The following DGKG variants were observed in gnomAD, a reference collection of about 807,000 sequenced individuals.
DGKG encodes the protein DAG kinase gamma.
DGKG carries 78 observed loss-of-function variants against 105.3 expected under a neutral mutation model. The observed-to-expected ratio is 0.74, with a 90% CI of 0.62 to 0.89. The LOEUF is 0.89. Among genes scored for constraint, DGKG ranks in the 40% least tolerant of loss-of-function variants. The pLI, the probability that DGKG is intolerant of heterozygous loss-of-function variation, is 0.00. For synonymous variants in DGKG, 346 were observed against 367.1 expected (o/e 0.94, Z 0.66); for missense variants, 958 against 1,020.1 (o/e 0.94, Z 0.83).
intron 16 of DGKG, among the ~76,000 whole-genome samples, chr3:186,259,812 C>T (rs1010697634): frequency 1.3e-5 from 2 of 152,172 alleles, no homozygotes; most frequent in South Asian, 4.1e-4. Flanking sequence ...CTGCAGCTCA[C>T]CATTAGCCGC....
At chr3:186,179,291 A>G (rs779655932) in intron 22 of DGKG, among the ~76,000 whole-genome samples, 3 of 152,262 alleles carry the variant, frequency 2.0e-5, no homozygotes, top group Non-Finnish European at 4.4e-5. Flanking sequence ...CTAAGTGGAC[A>G]GAGCTGAGTC....
chr3:186,265,385 C>T lies in DGKG; in HGVS notation c.1210-79G>A, dbSNP rs979134368. 26 of 1,307,226 alleles carry T rather than the reference C, an allele frequency of 2.0e-5. 1 individual carries two copies. The highest frequency in any genetic ancestry group is 7.3e-5 in the Admixed American group (4 of 54,836). The allele number at this position is 1,307,226 out of a possible 1,614,324, so 81.0% of individuals were successfully genotyped here. A position where few individuals can be genotyped will look rare whatever the true frequency, so the allele number is the denominator to read the frequency against. On this transcript the variant is annotated intron_variant, in intron 13 of 24. Transcript: ENST00000265022. ...AGAAAGAGATCAGATGAAAAACAAACGGCTGATATAAAGAAAGAGATCAGA... is the reference window on the plus strand; with the variant it reads ...AGAAAGAGATCAGATGAAAAACAAATGGCTGATATAAAGAAAGAGATCAGA...
Position 186,272,341 on chromosome 3 carries a change from AGTCTG to A in DGKG, c.911-3_912del. Reference sequence around the variant, plus strand: ...CAGCGTTCGTGGACAGTGTATTTACAGTCTGAAAAGAAAAAAAGTCAAGGCAGGTG... The same window carrying A: ...CAGCGTTCGTGGACAGTGTATTTACAAAAAGAAAAAAAGTCAAGGCAGGTG... On this transcript the variant is annotated splice_acceptor_variant and splice_polypyrimidine_tract_variant and coding_sequence_variant and intron_variant, in exon 11 of 25. Transcript: ENST00000265022. LOFTEE classifies it high-confidence loss of function. The A allele has an allele frequency of 6.2e-7, 1 of 1,612,014 alleles. No homozygotes were observed. The highest frequency in any genetic ancestry group is 8.5e-7 in the Non-Finnish European group (1 of 1,178,450).
intron 20 of DGKG, among the ~76,000 whole-genome samples, chr3:186,233,400 G>A (rs1720249653): frequency 6.6e-6 from 1 of 152,188 alleles, no homozygotes; most frequent in South Asian, 2.1e-4. Flanking sequence ...AGCCCTGATG[G>A]CACCTTGATT....
chr3:186,148,827 C>G lies in DGKG; in HGVS notation c.*1263G>C. ...TTCCCCTTAACCCTTGTGATCACCA[C>G]AGGGAGATGCGTCCTGACAATGAAA... On this transcript the variant is annotated 3_prime_UTR_variant, in exon 25 of 25. Transcript: ENST00000265022. The G allele has an allele frequency of 1.0e-6, 1 of 985,178 alleles. No individual in the cohort carries two copies. Among genetic ancestry groups the G allele is most frequent in the Non-Finnish European group, 1.2e-6 (1 of 829,774 alleles). The allele number at this position is 985,178 out of a possible 1,614,324, so 61.0% of individuals were successfully genotyped here. A position where few individuals can be genotyped will look rare whatever the true frequency, so the allele number is the denominator to read the frequency against.
At chr3:186,162,186 G>A (rs560082688) in intron 23 of DGKG, among the ~76,000 whole-genome samples, 6 of 152,324 alleles carry the variant, frequency 3.9e-5, no homozygotes, top group Admixed American at 1.3e-4. Flanking sequence ...ATGAGCCACT[G>A]CGCTCGGCCG....
chr3:186,161,317 T>C (rs1412206570), intron 24 of DGKG: 24 of 1,254,564 alleles, frequency 1.9e-5, no homozygotes, highest in Non-Finnish European at 1.8e-5. Flanking sequence ...ATACAGTAGA[T>C]GAAGTCTCAG....
Position 186,148,481 on chromosome 3 carries a change from G to T in DGKG, c.*1609C>A. 1 of 985,420 alleles carries T rather than the reference G, an allele frequency of 1.0e-6. No homozygotes were observed. Among genetic ancestry groups the T allele is most frequent in the Non-Finnish European group, 1.2e-6 (1 of 829,942 alleles). 61.0% of individuals were successfully genotyped at this position (985,420 alleles called of 1,614,324 possible). On this transcript the variant is annotated 3_prime_UTR_variant, in exon 25 of 25. Transcript: ENST00000265022. ...TGAGGCGCTCGTTTTCTTGTGTGGGGATATCCCATCCACGCATGTGCTGTA... is the reference window on the plus strand; with the variant it reads ...TGAGGCGCTCGTTTTCTTGTGTGGGTATATCCCATCCACGCATGTGCTGTA...
At chr3:186,349,670 C>T (rs891184848) in intron 1 of DGKG, among the ~76,000 whole-genome samples, 1 of 152,178 alleles carries the variant, frequency 6.6e-6, no homozygotes, top group African/African-American at 2.4e-5. Context: ...CAGCACAAGG[C>T]ACATCTGAGG....
intron 21 of DGKG, among the ~76,000 whole-genome samples, chr3:186,195,513 A>G (rs993011961): frequency 2.6e-5 from 4 of 151,606 alleles, no homozygotes. Flanking sequence ...CTTGTCTTTT[A>G]TTTATTGAAG....
intron 12 of DGKG, 109 bp from the exon 13 acceptor site, chr3:186,267,886 C>G: frequency 1.1e-6 from 1 of 922,428 alleles, no homozygotes; most frequent in Non-Finnish European, 1.8e-6. Flanking sequence ...TCCCCCAAAT[C>G]CTGATGCACT....
intron 1 of DGKG, among the ~76,000 whole-genome samples, chr3:186,348,589 C>T (rs1163814087): frequency 2.0e-5 from 3 of 151,440 alleles, no homozygotes; most frequent in Non-Finnish European, 4.4e-5. Context: ...GTAGCTGGGA[C>T]TCCAGGTGAA....
chr3:186,312,333 A>C (rs1578818758), intron 2 of DGKG, among the ~76,000 whole-genome samples: 1 of 152,288 alleles, frequency 6.6e-6, no homozygotes, highest in East Asian at 1.9e-4. Flanking sequence ...TAATGTGCGT[A>C]TGAGTCACAT....
chr3:186,299,416 C>A (rs898613857), intron 3 of DGKG, among the ~76,000 whole-genome samples: 1 of 152,168 alleles, frequency 6.6e-6, no homozygotes, highest in South Asian at 2.1e-4. Context: ...GGCCTCCCCA[C>A]CCCACTGAGG....
intron 21 of DGKG, among the ~76,000 whole-genome samples, chr3:186,189,572 A>G (rs1717807023): frequency 6.6e-6 from 1 of 152,136 alleles, no homozygotes; most frequent in South Asian, 2.1e-4. Flanking sequence ...TTATTGGGAG[A>G]AAGAAAAAAT....
intron 22 of DGKG, among the ~76,000 whole-genome samples, chr3:186,167,572 G>T (rs138828657): frequency 6.6e-6 from 1 of 152,202 alleles, no homozygotes; most frequent in Non-Finnish European, 1.5e-5. Flanking sequence ...ATGCAAGTCA[G>T]TGTCTAGGCA....
chr3:186,336,319 A>T (rs1017172252), intron 1 of DGKG, among the ~76,000 whole-genome samples: 1 of 152,346 alleles, frequency 6.6e-6, no homozygotes, highest in African/African-American at 2.4e-5. Context: ...GTATCCCAGG[A>T]AATTTCATTG....
intron 2 of DGKG, among the ~76,000 whole-genome samples, chr3:186,315,492 C>T (rs115593790): frequency 1.6e-3 from 248 of 152,262 alleles, no homozygotes; most frequent in African/African-American, 5.4e-3. Context: ...CCATGTCCAT[C>T]GTAAACCATA....
In DGKG at chr3:186,149,304, C is replaced by T. The variant is rs1241338111; in HGVS notation, c.*786G>A. The T allele has an allele frequency of 2.4e-5, 24 of 985,192 alleles. No individual in the cohort carries two copies. The Admixed American group carries it at 4.3e-4, about 18-fold the overall frequency. The allele number at this position is 985,192 out of a possible 1,614,324, so 61.0% of individuals were successfully genotyped here. ...TTTGAAAAATAAATCCCAGTTTCTC[C>T]GCTCTCCCTCCCAGGTGTTCACAGA... On this transcript the variant is annotated 3_prime_UTR_variant, in exon 25 of 25. Transcript: ENST00000265022.
Sources: gnomAD v4.1 joint callset for allele counts (sites outside exome capture counted in the v4.1 genomes callset) on GRCh38, gnomAD v4.1.1 for gene constraint, MANE v1.5 for transcripts, NCBI Gene and HGNC (gene_info 2026-07-23, HGNC 2026-07-21) for gene names.